The following NOM1 variants were observed in gnomAD, a reference collection of about 807,000 sequenced individuals.
The protein encoded by NOM1 is nucleolar protein with MIF4G domain 1, also known as nucleolar MIF4G domain-containing protein 1.
A neutral mutation model predicts 73.3 loss-of-function variants in NOM1; 58 were observed. The ratio of observed to expected loss-of-function variants is 0.79; its 90% CI spans 0.64 to 0.99. The LOEUF (loss-of-function observed/expected upper bound fraction) is 0.99. NOM1 is among the 50% of genes least tolerant of loss of function. NOM1 has a pLI of 0.00. For missense variants in NOM1, 1,226 were observed against 1,131.9 expected (o/e 1.08, Z -1.19); for synonymous variants, 487 against 446.8 (o/e 1.09, Z -1.14).
Position 156,959,971 on chromosome 7 carries a change from G to T in NOM1, c.1429G>T (p.Val477Leu). The T allele has an allele frequency of 6.2e-7, 1 of 1,613,798 alleles. No homozygotes were observed. Among genetic ancestry groups the T allele is most frequent in the African/African-American group, 1.3e-5 (1 of 74,898 alleles). Reference protein sequence around the residue: ...TVIAHLYNFHVVQSLLIFDIL... With the variant: ...TVIAHLYNFHLVQSLLIFDIL... ...CATTGCCCATTTATACAACTTCCAC[G>T]TGGTACAGTCTCTCCTCATCTTCGA... Residue 477 changes from valine (V) to leucine (L), a missense_variant, in exon 4 of 11, where the codon GTG (valine) becomes TTG (leucine). Val to Leu is a conservative substitution (Grantham distance 32, BLOSUM62 1). Coordinates refer to ENST00000275820, the MANE Select transcript of NOM1 (RefSeq NM_138400.2).
chr7:156,963,970 A>G lies in NOM1; in HGVS notation c.1977A>G (p.Ile659Met), dbSNP rs752073441. 6.2e-7 allele frequency: 1 copy of G among 1,614,146 alleles called. No individual in the cohort carries two copies. Among genetic ancestry groups the G allele is most frequent in the Non-Finnish European group, 8.5e-7 (1 of 1,179,972 alleles). Reference protein sequence around the residue: ...QRMNTDIRRNIFCTIMTSEDF... With the variant: ...QRMNTDIRRNMFCTIMTSEDF... Reference sequence around the variant, plus strand: ...TGAACACAGACATCCGGAGAAACATATTCTGCACAATAATGACAAGTGAAG... The same window carrying G: ...TGAACACAGACATCCGGAGAAACATGTTCTGCACAATAATGACAAGTGAAG... Residue 659 changes from isoleucine (I) to methionine (M), a missense_variant, in exon 7 of 11, where the codon ATA becomes ATG. Transcript: ENST00000275820.
chr7:156,964,587 G>GA (rs149291176), intron 7 of NOM1, among the ~76,000 whole-genome samples: 107 of 149,096 alleles, frequency 7.2e-4, no homozygotes, highest in South Asian at 4.9e-3. Flanking sequence ...CATTTAAAAA[G>GA]AAAAAAAAAA....
At position 156,970,516 on chromosome 7, in the gene NOM1, C is replaced by G. The variant is rs1263493709; in HGVS notation, c.*813C>G. ...CTCTACCTCCCGGGTTCAAGCGATT[C>G]TCCTGCCTCAGCCTCTTTAGCTGGG... On this transcript the variant is annotated 3_prime_UTR_variant, in exon 11 of 11. Coordinates refer to ENST00000275820, the MANE Select transcript of NOM1 (RefSeq NM_138400.2). 1 of 152,354 alleles carries G rather than the reference C, an allele frequency of 6.6e-6. No homozygotes were observed. The highest frequency in any genetic ancestry group is 1.5e-5 in the Non-Finnish European group (1 of 68,218). 9.4% of individuals were successfully genotyped at this position (152,354 alleles called of 1,614,324 possible).
At position 156,962,996 on chromosome 7, in the gene NOM1, T is replaced by G; in HGVS notation, c.1744-12T>G. 6.2e-7 allele frequency: 1 copy of G among 1,606,618 alleles called. No individual in the cohort carries two copies. Among genetic ancestry groups the G allele is most frequent in the East Asian group, 2.2e-5 (1 of 44,642 alleles). ...ATTAAAAGCATTTCATTAGCTCTTC[T>G]CTCTTCATCAGGTCCGCAACGCCGG... On this transcript the variant is annotated splice_polypyrimidine_tract_variant and intron_variant, in intron 5 of 10. Coordinates refer to ENST00000275820, the MANE Select transcript of NOM1 (RefSeq NM_138400.2).
At chr7:156,957,159 C>A (rs1330798582) in intron 3 of NOM1, among the ~76,000 whole-genome samples, 2 of 152,226 alleles carry the variant, frequency 1.3e-5, no homozygotes, top group South Asian at 4.1e-4. Flanking sequence ...ACAGAAACTT[C>A]TGCCAGCGTG....
Position 156,963,411 on chromosome 7 carries a change from CAGGGGAGCGCATG to C in NOM1, c.1911+240_1911+252del, listed in dbSNP as rs1804916949. 19 of 561,202 alleles carry C rather than the reference CAGGGGAGCGCATG, an allele frequency of 3.4e-5. No homozygotes were observed. The South Asian group carries it at 3.8e-4, about 11-fold the overall frequency. 34.8% of individuals were successfully genotyped at this position (561,202 alleles called of 1,614,324 possible). A position where few individuals can be genotyped will look rare whatever the true frequency, so the allele number is the denominator to read the frequency against. ...GATCTAAAAGTTGAATGGCACGGGGCAGGGGAGCGCATGAGGACCTGAACGCTCACGGGGCAGG... is the reference window on the plus strand; with the variant it reads ...GATCTAAAAGTTGAATGGCACGGGGCAGGACCTGAACGCTCACGGGGCAGG... On this transcript the variant is annotated intron_variant, in intron 6 of 10. Transcript: ENST00000275820.
rs1044060205 is a variant in NOM1 at position 156,971,068 on chromosome 7, C to T, written c.*1365C>T. The T allele has an allele frequency of 9.9e-5, 15 of 152,184 alleles. No individual in the cohort carries two copies. Among genetic ancestry groups the T allele is most frequent in the Non-Finnish European group, 1.6e-4 (11 of 68,040 alleles). 9.4% of individuals were successfully genotyped at this position (152,184 alleles called of 1,614,324 possible). On this transcript the variant is annotated 3_prime_UTR_variant, in exon 11 of 11. Transcript: ENST00000275820. ...CACCCCACTCACTAAGTATGGAAAA[C>T]TGATTCTGGGAGGAAGCAGAAATGT...
At chr7:156,963,290 C>T (rs1446671487) in intron 6 of NOM1, 115 bp downstream of exon 6, 3 of 1,048,524 alleles carry the variant, frequency 2.9e-6, no homozygotes, top group East Asian at 5.1e-5. Flanking sequence ...CTGAAATGTA[C>T]AAGGTTTATC....
chr7:156,968,397 G>A (rs575799732), intron 9 of NOM1, among the ~76,000 whole-genome samples: 11 of 152,130 alleles, frequency 7.2e-5, no homozygotes, highest in African/African-American at 2.6e-4. Flanking sequence ...TTGTGGTCTC[G>A]CCGCGTCCTC....
Position 156,950,643 on chromosome 7 carries a change from AAGG to A in NOM1, c.910_912del (p.Arg304del). The A allele has an allele frequency of 6.4e-7, 1 of 1,554,196 alleles. No individual in the cohort carries two copies. The highest frequency in any genetic ancestry group is 8.7e-7 in the Non-Finnish European group (1 of 1,148,214). Reference sequence around the variant, plus strand: ...AAAAGGAAAAGGGAGCGCAGGAGAAAAGGAGGGGGAAGAGAGTCCGTTTTGCAG... The same window carrying A: ...AAAAGGAAAAGGGAGCGCAGGAGAAAAGGGGGAAGAGAGTCCGTTTTGCAG... On this transcript the variant is annotated inframe_deletion, in exon 1 of 11. Coordinates refer to ENST00000275820, the MANE Select transcript of NOM1 (RefSeq NM_138400.2).
chr7:156,953,823 C>CA (rs1804653316), intron 2 of NOM1, among the ~76,000 whole-genome samples: 2 of 152,208 alleles, frequency 1.3e-5, no homozygotes, highest in Non-Finnish European at 2.9e-5. Flanking sequence ...GGAGTATCCT[C>CA]ACGTATGTTT....
Position 156,967,099 on chromosome 7 carries a change from G to A in NOM1, c.2298+7G>A. 6.2e-7 allele frequency: 1 copy of A among 1,610,432 alleles called. No individual in the cohort carries two copies. Among genetic ancestry groups the A allele is most frequent in the African/African-American group, 1.3e-5 (1 of 74,818 alleles). On this transcript the variant is annotated splice_region_variant and intron_variant, in intron 9 of 10. Transcript: ENST00000275820. The stretch of plus-strand genomic sequence containing the variant: ...TTCCCTTTCCATCTTAAAGGTTCGT[G>A]TAACGTGTGAAAATATTGAAAGCAA...
intron 3 of NOM1, among the ~76,000 whole-genome samples, chr7:156,957,596 A>T (rs924243547): frequency 2.0e-5 from 3 of 152,064 alleles, no homozygotes; most frequent in African/African-American, 7.2e-5. Context: ...TAACATGGTG[A>T]AACCCCGTTT....
At chr7:156,964,219 C>G (rs1362580287) in intron 7 of NOM1, 193 bp downstream of exon 7, 6 of 409,720 alleles carry the variant, frequency 1.5e-5, no homozygotes, top group Non-Finnish European at 2.6e-5. Context: ...TAATTTGCCT[C>G]TAGTAGTTCC....
chr7:156,971,669 T>G lies in NOM1; in HGVS notation c.*1966T>G, dbSNP rs1465111884. ...TTATTTTAGCTCGACCCTATGGCAG[T>G]TTGTGTTTGGAAATCGTGATGTGAA... On this transcript the variant is annotated 3_prime_UTR_variant, in exon 11 of 11. Coordinates refer to ENST00000275820, the MANE Select transcript of NOM1 (RefSeq NM_138400.2). 2.6e-5 allele frequency: 4 copies of G among 152,256 alleles called. No individual in the cohort carries two copies. The highest frequency in any genetic ancestry group is 9.6e-5 in the African/African-American group (4 of 41,472). The allele number at this position is 152,256 out of a possible 1,614,324, so 9.4% of individuals were successfully genotyped here.
chr7:156,970,060 G>A lies in NOM1; in HGVS notation c.*357G>A, dbSNP rs1805104445. 1 of 154,716 alleles carries A rather than the reference G, an allele frequency of 6.5e-6. No homozygotes were observed. Among genetic ancestry groups the A allele is most frequent in the Non-Finnish European group, 1.4e-5 (1 of 69,846 alleles). The allele number at this position is 154,716 out of a possible 1,614,324, so 9.6% of individuals were successfully genotyped here. ...CCCAGCACTTTGTGAGGCCAAGGTG[G>A]GCGGATCACTTGAGGCCAGGAATTT... On this transcript the variant is annotated 3_prime_UTR_variant, in exon 11 of 11. Coordinates refer to ENST00000275820, the MANE Select transcript of NOM1 (RefSeq NM_138400.2).
At position 156,949,749 on chromosome 7, in the gene NOM1, C is replaced by G; in HGVS notation, c.12C>G (p.Ser4=). 3 of 1,385,640 alleles carry G rather than the reference C, an allele frequency of 2.2e-6. No homozygotes were observed. The highest frequency in any genetic ancestry group is 2.8e-6 in the Non-Finnish European group (3 of 1,075,414). 85.8% of individuals were successfully genotyped at this position (1,385,640 alleles called of 1,614,324 possible). The change falls in exon 1 of 11, where the codon TCC becomes TCG. Residue 4 remains serine, a synonymous_variant. Coordinates refer to ENST00000275820, the MANE Select transcript of NOM1 (RefSeq NM_138400.2). ...ACGCGTTTCGAAAGATGGCGGCGTC[C>G]AGGAGCGCGGGAGAGGCCGGCCCGG... MAA[S]RSAGEAGPGG...
chr7:156,953,317 G>A (rs898484283), intron 2 of NOM1, among the ~76,000 whole-genome samples: 8 of 151,968 alleles, frequency 5.3e-5, no homozygotes, highest in African/African-American at 1.5e-4. Flanking sequence ...TAGTAGAGAC[G>A]GGATTTCTCC....
Position 156,950,276 on chromosome 7 carries a change from A to G in NOM1, c.539A>G (p.Glu180Gly). ...AAACGGGCGCTTTTAGCGGCGAACG[A>G]GGAGGAGGACCGAGAGATCCGAAAG... is the stretch of plus-strand genomic sequence containing the variant. ...ARKRALLAAN[E>G]EEDREIRKLE... The change falls in exon 1 of 11, where the codon GAG becomes GGG. Residue 180 changes from glutamate (E) to glycine (G), a missense_variant. Glu to Gly is a moderately conservative substitution (Grantham distance 98). Transcript: ENST00000275820. The G allele has an allele frequency of 6.2e-7, 1 of 1,613,830 alleles. No homozygotes were observed. Among genetic ancestry groups the G allele is most frequent in the Non-Finnish European group, 8.5e-7 (1 of 1,179,748 alleles).
Sources: gnomAD v4.1 joint callset for allele counts (sites outside exome capture counted in the v4.1 genomes callset) on GRCh38, gnomAD v4.1.1 for gene constraint, MANE v1.5 for transcripts, NCBI Gene and HGNC (gene_info 2026-07-23, HGNC 2026-07-21) for gene names.